The following NFX1 variants were observed in gnomAD, a reference collection of about 807,000 sequenced individuals.
The protein encoded by NFX1 is nuclear transcription factor, X-box binding 1, also known as transcriptional repressor NF-X1.
Under a neutral mutation model 137.2 loss-of-function variants are expected in NFX1, and 69 were observed. The observed-to-expected ratio is 0.50, with a 90% confidence interval of 0.41 to 0.61. The LOEUF (loss-of-function observed/expected upper bound fraction) is 0.61. Ranked by LOEUF, NFX1 falls within the 20% of genes least tolerant of loss-of-function variation. The pLI is 0.00. For synonymous variants in NFX1, 495 were observed against 474.1 expected (o/e 1.04, Z -0.57); for missense variants, 1,167 against 1,391.0 (o/e 0.84, Z 2.56).
At chr9:33,312,609 G>A (rs1290046298) in intron 6 of NFX1, among the ~76,000 whole-genome samples, 7 of 152,226 alleles carry the variant, frequency 4.6e-5, no homozygotes, top group South Asian at 2.1e-4. Context: ...AGTGGCCCAC[G>A]CCTGTAATCC....
intron 7 of NFX1, among the ~76,000 whole-genome samples, chr9:33,316,715 A>G (rs1822175767): frequency 6.6e-6 from 1 of 152,212 alleles, no homozygotes. Context: ...ATAAAATACT[A>G]AATGGGTTAA....
chr9:33,310,578 C>G (rs766078939), intron 5 of NFX1, among the ~76,000 whole-genome samples: 2 of 152,166 alleles, frequency 1.3e-5, no homozygotes, highest in African/African-American at 4.8e-5. Flanking sequence ...CTCCATGTTA[C>G]TCACTAGCAT....
At chr9:33,320,461 G>T (rs540179713) in intron 9 of NFX1, among the ~76,000 whole-genome samples, 1 of 152,240 alleles carries the variant, frequency 6.6e-6, no homozygotes, top group South Asian at 2.1e-4. Context: ...TTGAATTGTT[G>T]TATCTGCTTG....
Position 33,318,711 on chromosome 9 carries a change from T to A in NFX1, c.1589-20T>A. The A allele has an allele frequency of 1.2e-6, 2 of 1,610,310 alleles. No homozygotes were observed. Among genetic ancestry groups the A allele is most frequent in the Non-Finnish European group, 1.7e-6 (2 of 1,176,906 alleles). ...CCATACATGTTACTAACGTTTTGTT[T>A]TTGAAATTTTCTCTTCAAGTATGCT... On this transcript the variant is annotated intron_variant, in intron 7 of 23. Transcript: ENST00000379540.
At chr9:33,308,235 A>C (rs967689222) in intron 5 of NFX1, among the ~76,000 whole-genome samples, 1 of 152,190 alleles carries the variant, frequency 6.6e-6, no homozygotes, top group Non-Finnish European at 1.5e-5. Context: ...TGAGGCCAGG[A>C]GTTCTAGACC....
intron 7 of NFX1, among the ~76,000 whole-genome samples, chr9:33,314,001 T>C (rs576107392): frequency 6.6e-6 from 1 of 152,276 alleles, no homozygotes; most frequent in African/African-American, 2.4e-5. Context: ...TTTTTTCTTT[T>C]TGAGATAAGT....
chr9:33,300,345 A>G lies in NFX1; in HGVS notation c.1034-918A>G, dbSNP rs151183891. 1.6e-4 allele frequency among the ~76,000 whole-genome samples: 24 copies of G among 152,180 alleles called. No individual in the cohort carries two copies. The South Asian group carries it at 3.5e-3, about 22-fold the overall frequency. Reference sequence around the variant, plus strand: ...CCCAAAGTGCTGGTATTACAGGTGTAAGCCACCGTGTCCAACCTGTTACAG... The same window carrying G: ...CCCAAAGTGCTGGTATTACAGGTGTGAGCCACCGTGTCCAACCTGTTACAG... On this transcript the variant is annotated intron_variant, in intron 2 of 23. Coordinates refer to ENST00000379540, the MANE Select transcript of NFX1 (RefSeq NM_002504.6).
In NFX1 at chr9:33,294,539, A is replaced by C; in HGVS notation, c.145A>C (p.Ser49Arg). The C allele has an allele frequency of 6.2e-7, 1 of 1,614,220 alleles. No individual in the cohort carries two copies. Among genetic ancestry groups the C allele is most frequent in the Admixed American group, 1.7e-5 (1 of 60,018 alleles). ...DSNRIGRRNY[S>R]SPPPCHLSRQ... ...TAATAGGATTGGTAGAAGAAATTAC[A>C]GTTCACCACCTCCCTGTCACCTTTC... Residue 49 changes from serine (S) to arginine (R), a missense_variant, in exon 2 of 24, where the codon AGT becomes CGT. Coordinates refer to ENST00000379540, the MANE Select transcript of NFX1 (RefSeq NM_002504.6).
chr9:33,305,309 T>G (rs1419805413), intron 4 of NFX1, among the ~76,000 whole-genome samples: 2 of 152,154 alleles, frequency 1.3e-5, no homozygotes, highest in East Asian at 3.8e-4. Context: ...CATTGTAAAC[T>G]AGGTAAAATC....
chr9:33,366,369 A>T (rs1824169198), intron 21 of NFX1, among the ~76,000 whole-genome samples: 2 of 152,178 alleles, frequency 1.3e-5, no homozygotes, highest in Admixed American at 1.3e-4. Flanking sequence ...TGTCTACCTA[A>T]GTCGCAGTTC....
chr9:33,309,920 C>T (rs944447524), intron 5 of NFX1, among the ~76,000 whole-genome samples: 2 of 152,216 alleles, frequency 1.3e-5, no homozygotes, highest in Non-Finnish European at 2.9e-5. Flanking sequence ...AGATATTTGA[C>T]ATAACCTAGA....
Position 33,301,385 on chromosome 9 carries a change from A to C in NFX1, c.1156A>C (p.Ile386Leu), listed in dbSNP as rs757691772. The C allele has an allele frequency of 6.2e-7, 1 of 1,614,184 alleles. No homozygotes were observed. Among genetic ancestry groups the C allele is most frequent in the South Asian group, 1.1e-5 (1 of 91,070 alleles). ...TTACCATGTGTTTCATTTGAACTGC[A>C]TAAAGAAATGGGCAAGGTCTCCAGC... ...SCYHVFHLNCIKKWARSPASQ... is the reference protein window; with the variant it reads ...SCYHVFHLNCLKKWARSPASQ... The change falls in exon 3 of 24, where the codon ATA (isoleucine) becomes CTA (leucine). Residue 386 changes from isoleucine to leucine, a missense_variant. Coordinates refer to ENST00000379540, the MANE Select transcript of NFX1 (RefSeq NM_002504.6).
chr9:33,292,965 G>T (rs1398159347), intron 1 of NFX1, among the ~76,000 whole-genome samples: 1 of 152,168 alleles, frequency 6.6e-6, no homozygotes, highest in Non-Finnish European at 1.5e-5. Flanking sequence ...ATCCTTTTGT[G>T]ATTTTGTGAG....
Position 33,290,537 on chromosome 9 carries a change from T to A in NFX1, c.-36T>A, listed in dbSNP as rs761317568. On this transcript the variant is annotated 5_prime_UTR_variant, in exon 1 of 24. Transcript: ENST00000379540. The stretch of plus-strand genomic sequence containing the variant: ...ACGTGACCTGGTGACAGTGCTGACT[T>A]GGCTGTACAGCTCGATCTAGGTTCT... 6.2e-7 allele frequency: 1 copy of A among 1,613,656 alleles called. No individual in the cohort carries two copies. Among genetic ancestry groups the A allele is most frequent in the Non-Finnish European group, 8.5e-7 (1 of 1,179,696 alleles).
chr9:33,314,378 C>G (rs1822077847), intron 7 of NFX1, among the ~76,000 whole-genome samples: 1 of 151,572 alleles, frequency 6.6e-6, no homozygotes, highest in African/African-American at 2.4e-5. Context: ...CCAAAATAAT[C>G]TTTTTAAAAA....
At chr9:33,359,131 G>A (rs1353104978) in intron 19 of NFX1, among the ~76,000 whole-genome samples, 1 of 152,164 alleles carries the variant, frequency 6.6e-6, no homozygotes, top group Non-Finnish European at 1.5e-5. Context: ...TATATACACA[G>A]TCATGTCTTC....
At chr9:33,308,270 C>T (rs1216324396) in intron 5 of NFX1, among the ~76,000 whole-genome samples, 2 of 152,036 alleles carry the variant, frequency 1.3e-5, no homozygotes, top group Non-Finnish European at 1.5e-5. Flanking sequence ...AATGAGACCC[C>T]GTCTCTACAA....
intron 7 of NFX1, among the ~76,000 whole-genome samples, chr9:33,316,799 T>C (rs1170073307): frequency 2.6e-5 from 4 of 152,188 alleles, no homozygotes; most frequent in Admixed American, 2.6e-4. Context: ...TTCTGTCACC[T>C]GCTCATATTT....
At chr9:33,324,293 C>T (rs544783169) in intron 9 of NFX1, among the ~76,000 whole-genome samples, 6 of 152,078 alleles carry the variant, frequency 3.9e-5, no homozygotes, top group Non-Finnish European at 8.8e-5. Flanking sequence ...GCAGGAGAAT[C>T]GCTTGAACCC....
Sources: allele counts gnomAD v4.1 joint callset (sites outside exome capture counted in the v4.1 genomes callset), GRCh38; gene constraint gnomAD v4.1.1; transcripts MANE v1.5; gene names NCBI Gene and HGNC (gene_info 2026-07-23, HGNC 2026-07-21).